Variants in PACS1 observed in about 807,000 individuals in gnomAD.
PACS1 encodes PACS-1.
PACS1 carries 24 observed loss-of-function variants against 115.0 expected under a neutral mutation model. That is an observed-to-expected ratio of 0.21 (90% CI 0.15 to 0.29). The LOEUF (loss-of-function observed/expected upper bound fraction) is 0.29, where lower values mean the gene tolerates loss of function less well. Ranked by LOEUF, PACS1 falls within the 10% of genes least tolerant of loss-of-function variation. The pLI is 1.00. For missense variants in PACS1, 838 were observed against 1,251.2 expected (o/e 0.67, Z 4.98); for synonymous variants, 453 against 504.5 (o/e 0.90, Z 1.37).
chr11:66,118,786 A>AAG (rs1858372312), intron 1 of PACS1, among the ~76,000 whole-genome samples: 2 of 151,386 alleles, frequency 1.3e-5, no homozygotes, highest in South Asian at 4.2e-4. Flanking sequence ...AAAAAAAAAA[A>AAG]AAAAAAGAAA....
chr11:66,128,461 G>A (rs941059579), intron 1 of PACS1, among the ~76,000 whole-genome samples: 4 of 152,190 alleles, frequency 2.6e-5, no homozygotes, highest in African/African-American at 9.6e-5. Context: ...GAGTAGGTGG[G>A]AGAATCACTG....
intron 1 of PACS1, among the ~76,000 whole-genome samples, chr11:66,091,558 A>G (rs1483855943): frequency 2.7e-5 from 4 of 147,922 alleles, no homozygotes; most frequent in African/African-American, 1.0e-4. Context: ...TTTAGGGTAC[A>G]TGTGCACAAT....
chr11:66,146,884 C>T (rs887651600), intron 1 of PACS1, among the ~76,000 whole-genome samples: 8 of 152,028 alleles, frequency 5.3e-5, no homozygotes, highest in African/African-American at 1.5e-4. Context: ...GTGAAACCCC[C>T]GTCTCTACTA....
intron 1 of PACS1, among the ~76,000 whole-genome samples, chr11:66,169,495 G>T (rs1859686770): frequency 6.7e-6 from 1 of 149,246 alleles, no homozygotes; most frequent in Non-Finnish European, 1.5e-5. Context: ...TGCCTCCCAG[G>T]TTCAAGCGAT....
At position 66,204,710 on chromosome 11, in the gene PACS1, A is replaced by G. The variant is rs1030665476; in HGVS notation, c.445-5652A>G. Among the ~76,000 whole-genome samples the G allele has an allele frequency of 6.6e-5, 10 of 152,298 alleles. 1 individual carries two copies. The highest frequency in any genetic ancestry group is 6.5e-4 in the Admixed American group (10 of 15,290). The stretch of plus-strand genomic sequence containing the variant: ...TGAAATAAGCCAGGTACAGAAAGAC[A>G]TACTTTGAATGTTCTCACTTACTTC... On this transcript the variant is annotated intron_variant, in intron 2 of 23. Coordinates refer to ENST00000320580, the MANE Select transcript of PACS1 (RefSeq NM_018026.4).
At position 66,234,101 on chromosome 11, in the gene PACS1, A is replaced by G. The variant is rs371723349; in HGVS notation, c.1994-31A>G. 53 of 1,565,102 alleles carry G rather than the reference A, an allele frequency of 3.4e-5. No individual in the cohort carries two copies. The African/African-American group carries it at 5.3e-4, about 16-fold the overall frequency. Reference sequence around the variant, plus strand: ...TCCCACACTGTCTCATCTCCTGACGAATTCACCACCTCTGGTTTTCCATCT... The same window carrying G: ...TCCCACACTGTCTCATCTCCTGACGGATTCACCACCTCTGGTTTTCCATCT... On this transcript the variant is annotated intron_variant, in intron 16 of 23. Transcript: ENST00000320580.
intron 1 of PACS1, among the ~76,000 whole-genome samples, chr11:66,122,087 G>A (rs1314395256): frequency 1.3e-5 from 2 of 152,200 alleles, no homozygotes; most frequent in African/African-American, 4.8e-5. Flanking sequence ...CTTGTTAGGG[G>A]TGAATGCAGC....
chr11:66,095,979 G>C (rs140097536), intron 1 of PACS1, among the ~76,000 whole-genome samples: 86 of 151,512 alleles, frequency 5.7e-4, no homozygotes, highest in African/African-American at 1.8e-3. Context: ...CTGTTGCCCA[G>C]GCTGAAATGC....
chr11:66,142,009 G>C (rs371987735), intron 1 of PACS1, among the ~76,000 whole-genome samples: 1 of 151,878 alleles, frequency 6.6e-6, no homozygotes, highest in Non-Finnish European at 1.5e-5. Context: ...TTTCACCATT[G>C]TTGGCCTCTG....
chr11:66,075,771 G>A (rs371359176), intron 1 of PACS1, among the ~76,000 whole-genome samples: 1 of 133,564 alleles, frequency 7.5e-6, no homozygotes, highest in Non-Finnish European at 1.5e-5. Flanking sequence ...ACGGAGTCTC[G>A]CTCTGTCCCC....
intron 1 of PACS1, among the ~76,000 whole-genome samples, chr11:66,079,149 C>A (rs889402343): frequency 6.6e-6 from 1 of 152,158 alleles, no homozygotes; most frequent in African/African-American, 2.4e-5. Flanking sequence ...CTCAAGCCCG[C>A]GTCAGCAGAT....
rs766424345 is a variant in PACS1 at position 66,233,047 on chromosome 11, C to G, written c.1819C>G (p.Leu607Val). The change falls in exon 15 of 24, where the codon CTC becomes GTC. Residue 607 changes from leucine (L) to valine (V), a missense_variant. By Grantham distance (32) the Leu-to-Val change is conservative (BLOSUM62 1). Transcript: ENST00000320580. The surrounding 1 kb of genome is among the most constrained non-coding windows in gnomAD (Gnocchi z 4.5). Reference sequence around the variant, plus strand: ...GGTCCAGGCCGTGCTGTCCGCCCTGCTCACCCGGATCCAGCGCTAGTAAGG... The same window carrying G: ...GGTCCAGGCCGTGCTGTCCGCCCTGGTCACCCGGATCCAGCGCTAGTAAGG... ...VEVQAVLSAL[L>V]TRIQRYCNCN... 8 of 1,609,920 alleles carry G rather than the reference C, an allele frequency of 5.0e-6. No individual in the cohort carries two copies. Among genetic ancestry groups the G allele is most frequent in the Non-Finnish European group, 6.8e-6 (8 of 1,179,560 alleles).
intron 1 of PACS1, among the ~76,000 whole-genome samples, chr11:66,167,033 C>CA (rs1859620811): frequency 6.6e-6 from 1 of 150,418 alleles, no homozygotes; most frequent in South Asian, 2.1e-4. Context: ...ATACTCCCAC[C>CA]AGCAGCATAT....
At chr11:66,201,662 G>T (rs11227425) in intron 2 of PACS1, among the ~76,000 whole-genome samples, 67,642 of 144,804 alleles carry the variant, frequency 0.47, 16,314 homozygotes, top group Middle Eastern at 0.67. Context: ...TTGGGTTTTT[G>T]TTTTTTTTTT....
intron 1 of PACS1, among the ~76,000 whole-genome samples, chr11:66,144,078 G>A (rs969702549): frequency 6.6e-6 from 1 of 152,206 alleles, no homozygotes; most frequent in African/African-American, 2.4e-5. Flanking sequence ...ATTGAAAAAT[G>A]CTTTTAATTT....
intron 1 of PACS1, among the ~76,000 whole-genome samples, chr11:66,137,278 G>C (rs1378865394): frequency 6.6e-6 from 1 of 151,978 alleles, no homozygotes; most frequent in African/African-American, 2.4e-5. Context: ...GTGTGTGTGT[G>C]TACTTAAATC....
chr11:66,224,089 C>T (rs1013879470), intron 10 of PACS1, among the ~76,000 whole-genome samples: 1 of 150,120 alleles, frequency 6.7e-6, no homozygotes. Context: ...CCCAGCTACT[C>T]GCGTGGCTGA....
At chr11:66,220,363 C>A in intron 8 of PACS1, 1 of 454,430 alleles carries the variant, frequency 2.2e-6, no homozygotes. Context: ...CCCACATGGG[C>A]GATGGGCCTC....
chr11:66,216,170 G>A lies in PACS1; in HGVS notation c.712G>A (p.Val238Met), dbSNP rs377164490. Residue 238 changes from valine to methionine, a missense_variant, in exon 5 of 24, where the codon GTG (valine) becomes ATG (methionine). This residue lies in a region of PACS1 where 223 missense variants were observed against 354.0 expected (regional missense o/e 0.63). Coordinates refer to ENST00000320580, the MANE Select transcript of PACS1 (RefSeq NM_018026.4). ...ACTGGTGCTTGGCCTACACAGCAAC[G>A]TGAAGGATGTCTCTGTGCCTGTGGC... is the stretch of plus-strand genomic sequence containing the variant. Reference protein sequence around the residue: ...GALVLGLHSNVKDVSVPVAEI... With the variant: ...GALVLGLHSNMKDVSVPVAEI... 40 of 1,613,854 alleles carry A rather than the reference G, an allele frequency of 2.5e-5. No homozygotes were observed. Among genetic ancestry groups the A allele is most frequent in the Middle Eastern group, 1.6e-4 (1 of 6,084 alleles).
Sources: gnomAD v4.1 joint callset for allele counts (sites outside exome capture counted in the v4.1 genomes callset) on GRCh38, gnomAD v4.1.1 for gene constraint, gnomAD v4.1.1 regional missense constraint, Gnocchi (gnomAD v3.1) non-coding constraint, MANE v1.5 for transcripts, NCBI Gene and HGNC (gene_info 2026-07-23, HGNC 2026-07-21) for gene names.